NLGN1: variants seen among roughly 807,000 people sequenced by gnomAD.
NLGN1 encodes neuroligin-1.
A neutral mutation model predicts 65.5 loss-of-function variants in NLGN1; 12 were observed. The ratio of observed to expected loss-of-function variants is 0.18; its 90% CI spans 0.12 to 0.30. NLGN1 has a LOEUF of 0.30. NLGN1 is among the 10% of genes least tolerant of loss of function. NLGN1 has a pLI of 1.00. For missense variants in NLGN1, 750 were observed against 1,007.1 expected (o/e 0.74, Z 3.46); for synonymous variants, 350 against 359.5 (o/e 0.97, Z 0.30).
At chr3:173,906,416 C>CT (rs1738398666) in intron 4 of NLGN1, among the ~76,000 whole-genome samples, 1 of 152,006 alleles carries the variant, frequency 6.6e-6, no homozygotes, top group African/African-American at 2.4e-5. Flanking sequence ...AACTCAATGC[C>CT]TTATGGCCTT....
intron 4 of NLGN1, among the ~76,000 whole-genome samples, chr3:174,228,139 T>C (rs953543065): frequency 1.3e-5 from 2 of 152,078 alleles, no homozygotes; most frequent in South Asian, 2.1e-4. Context: ...CAGTTAATTA[T>C]GTAGGTATTT....
chr3:173,940,080 CTT>C (rs531013909), intron 4 of NLGN1, among the ~76,000 whole-genome samples: 798 of 75,224 alleles, frequency 0.011, 1 homozygote, highest in African/African-American at 0.044. Flanking sequence ...ATAGTTATAG[CTT>C]TTTTTTTTTT....
At chr3:173,540,818 T>A (rs1043704029) in intron 2 of NLGN1, among the ~76,000 whole-genome samples, 6 of 152,210 alleles carry the variant, frequency 3.9e-5, no homozygotes, top group African/African-American at 1.4e-4. Context: ...TATTTTAATA[T>A]GACACGTTGA....
chr3:173,968,121 T>A (rs1016900938), intron 4 of NLGN1, among the ~76,000 whole-genome samples: 1 of 152,144 alleles, frequency 6.6e-6, no homozygotes, highest in Non-Finnish European at 1.5e-5. Context: ...AGTGTAAAAT[T>A]TCATTTTAAG....
At chr3:173,479,368 A>G (rs376277033) in intron 2 of NLGN1, among the ~76,000 whole-genome samples, 98 of 152,298 alleles carry the variant, frequency 6.4e-4, no homozygotes, top group African/African-American at 2.1e-3. Context: ...GAATATATAA[A>G]CAAACATGGG....
intron 4 of NLGN1, among the ~76,000 whole-genome samples, chr3:174,258,603 G>A (rs1440123243): frequency 6.6e-6 from 1 of 152,148 alleles, no homozygotes; most frequent in Non-Finnish European, 1.5e-5. Flanking sequence ...CTGTTGCAGT[G>A]CATGGAGATG....
intron 4 of NLGN1, among the ~76,000 whole-genome samples, chr3:173,890,075 T>A (rs1735051636): frequency 6.6e-6 from 1 of 152,098 alleles, no homozygotes; most frequent in Admixed American, 6.6e-5. Flanking sequence ...GACCCAGTAA[T>A]CATTTTCTGT....
intron 4 of NLGN1, among the ~76,000 whole-genome samples, chr3:173,855,329 TA>T (rs1187298880): frequency 6.6e-5 from 10 of 152,160 alleles, no homozygotes; most frequent in African/African-American, 2.4e-4. Context: ...TATATGTTGT[TA>T]AATATTCTTT....
intron 3 of NLGN1, among the ~76,000 whole-genome samples, chr3:173,636,947 TAGTGTGAAAAATAAATACAGTCTC>T (rs1277845887): frequency 6.6e-6 from 1 of 152,148 alleles, no homozygotes; most frequent in Non-Finnish European, 1.5e-5. Context: ...ATGCTTAAGC[TAGTGTGAAAAATAAATACAGTCTC>T]AGCTGTTAAC....
intron 2 of NLGN1, among the ~76,000 whole-genome samples, chr3:173,550,354 C>T (rs901798374): frequency 5.3e-5 from 8 of 151,944 alleles, no homozygotes; most frequent in South Asian, 2.1e-4. Context: ...TGTTTCGGCA[C>T]ACATGCATGT....
intron 1 of NLGN1, among the ~76,000 whole-genome samples, chr3:173,409,327 T>A (rs1474451628): frequency 6.6e-6 from 1 of 152,200 alleles, no homozygotes; most frequent in Admixed American, 6.5e-5. Flanking sequence ...TTGAAAATTA[T>A]AGTTGAATGA....
chr3:173,761,394 G>T (rs1298951264), intron 3 of NLGN1, among the ~76,000 whole-genome samples: 4 of 151,956 alleles, frequency 2.6e-5, no homozygotes, highest in African/African-American at 4.8e-5. Flanking sequence ...GCGTTTAGTG[G>T]CTATGACAGA....
chr3:173,741,310 C>T (rs1375041464), intron 3 of NLGN1, among the ~76,000 whole-genome samples: 2 of 151,954 alleles, frequency 1.3e-5, no homozygotes, highest in African/African-American at 4.8e-5. Flanking sequence ...AGCCCAGGGC[C>T]ATCATAGAAA....
At chr3:173,892,627 A>G (rs1417194819) in intron 4 of NLGN1, among the ~76,000 whole-genome samples, 4 of 151,976 alleles carry the variant, frequency 2.6e-5, no homozygotes, top group Non-Finnish European at 5.9e-5. Context: ...AGATTATATT[A>G]AACTAACATT....
chr3:173,425,476 A>C (rs1033137817), intron 1 of NLGN1, among the ~76,000 whole-genome samples: 2 of 152,056 alleles, frequency 1.3e-5, no homozygotes, highest in African/African-American at 2.4e-5. Flanking sequence ...TCATAGTTTC[A>C]GGTCTTACAT....
chr3:173,809,364 A>G (rs1560415858), intron 4 of NLGN1, among the ~76,000 whole-genome samples: 1 of 152,156 alleles, frequency 6.6e-6, no homozygotes, highest in Non-Finnish European at 1.5e-5. Flanking sequence ...AGGGTTTTTA[A>G]TATTTTCATG....
Position 173,403,777 on chromosome 3 carries a change from G to T in NLGN1, c.-390+5290G>T, listed in dbSNP as rs147462528. 3.7e-3 allele frequency among the ~76,000 whole-genome samples: 570 copies of T among 152,158 alleles called. 3 individuals carry two copies. The highest frequency in any genetic ancestry group is 0.013 in the African/African-American group (548 of 41,528). ...TGTTTAAATATTTGATTATTCTGGA[G>T]TTTTTTTAAATCGTAGCTGCTTCAA... is the stretch of plus-strand genomic sequence containing the variant. On this transcript the variant is annotated intron_variant, in intron 1 of 6. Coordinates refer to ENST00000457714, the Ensembl canonical transcript of NLGN1.
At chr3:173,423,716 C>A in intron 1 of NLGN1, among the ~76,000 whole-genome samples, 1 of 152,128 alleles carries the variant, frequency 6.6e-6, no homozygotes, top group Non-Finnish European at 1.5e-5. Flanking sequence ...GGGTACAACC[C>A]CTGTGGCTGC....
At chr3:174,194,022 A>G (rs1267847308) in intron 4 of NLGN1, among the ~76,000 whole-genome samples, 1 of 152,192 alleles carries the variant, frequency 6.6e-6, no homozygotes, top group African/African-American at 2.4e-5. Flanking sequence ...CCATTGCTAA[A>G]TGGTGTTTTC....
Sources: allele counts gnomAD v4.1 joint callset (sites outside exome capture counted in the v4.1 genomes callset), GRCh38; gene constraint gnomAD v4.1.1; transcripts MANE v1.5; gene names NCBI Gene and HGNC (gene_info 2026-07-23, HGNC 2026-07-21).